JAM3: variants seen among roughly 807,000 people sequenced by gnomAD.
The protein encoded by JAM3 is junctional adhesion molecule C.
In JAM3, 31 loss-of-function variants were observed where a neutral mutation model predicts 39.4. The ratio of observed to expected loss-of-function variants is 0.79; its 90% confidence interval spans 0.59 to 1.06. JAM3 has a LOEUF of 1.06. Among genes scored for constraint, JAM3 ranks in the 50% least tolerant of loss-of-function variants. JAM3 has a pLI of 0.00. For synonymous variants in JAM3, 182 were observed against 148.7 expected, an observed-to-expected ratio of 1.22 and a Z score of -1.63; for missense variants, 455 against 391.4, an observed-to-expected ratio of 1.16 and a Z score of -1.37.
chr11:134,113,272 T>C (rs1051015207), intron 1 of JAM3, among the ~76,000 whole-genome samples: 8 of 151,728 alleles, frequency 5.3e-5, no homozygotes, highest in African/African-American at 1.2e-4. Flanking sequence ...ATACATGTGC[T>C]GTGTTGGTGT....
chr11:134,140,851 C>T, intron 3 of JAM3, 81 bp downstream of exon 3: 1 of 1,534,354 alleles, frequency 6.5e-7, no homozygotes, highest in Non-Finnish European at 8.8e-7. Context: ...AGAAACTTAC[C>T]TCAGACTGGT....
chr11:134,109,006 G>T (rs11223693), intron 1 of JAM3, among the ~76,000 whole-genome samples: 2,115 of 152,088 alleles, frequency 0.014, 37 homozygotes, highest in Non-Finnish European at 0.017. Context: ...TCCCGGGCTG[G>T]AGTACAGTGG....
rs1364500286 is a variant in JAM3, at chr11:134,149,413, G to A, written c.*232G>A. ...TATAACCACAAGGAAGCGAAACTGG[G>A]TGCGTTCACTGAGTTGGGTTCCTAA... is the stretch of plus-strand genomic sequence containing the variant. On this transcript the variant is annotated 3_prime_UTR_variant, in exon 9 of 9. Transcript: ENST00000299106. 1.6e-6 allele frequency: 1 copy of A among 614,978 alleles called. No individual in the cohort carries two copies. The highest frequency in any genetic ancestry group is 2.8e-5 in the East Asian group (1 of 35,836). 38.1% of individuals were successfully genotyped at this position (614,978 alleles called of 1,614,324 possible).
intron 1 of JAM3, among the ~76,000 whole-genome samples, chr11:134,132,759 G>A (rs1433989346): frequency 6.6e-6 from 1 of 152,136 alleles, no homozygotes; most frequent in South Asian, 2.1e-4. Flanking sequence ...AACCAGGGAG[G>A]ACCCCTGGAG....
At chr11:134,129,534 C>T (rs760137695) in intron 1 of JAM3, among the ~76,000 whole-genome samples, 9 of 152,102 alleles carry the variant, frequency 5.9e-5, no homozygotes, top group Non-Finnish European at 1.2e-4. Context: ...ACTTGCTATT[C>T]TCTGGACCTC....
At chr11:134,125,160 C>T (rs1201719735) in intron 1 of JAM3, among the ~76,000 whole-genome samples, 2 of 152,360 alleles carry the variant, frequency 1.3e-5, no homozygotes, top group East Asian at 1.9e-4. Flanking sequence ...ACGGCTACAG[C>T]CCGGCCGATC....
chr11:134,099,456 C>T (rs1942036812), intron 1 of JAM3, among the ~76,000 whole-genome samples: 2 of 152,156 alleles, frequency 1.3e-5, no homozygotes, highest in Admixed American at 6.5e-5. Flanking sequence ...CTCACTGTCT[C>T]GCCCTCTCTC....
At chr11:134,146,258 G>T (rs1428502003) in intron 6 of JAM3, among the ~76,000 whole-genome samples, 1 of 152,152 alleles carries the variant, frequency 6.6e-6, no homozygotes, top group Non-Finnish European at 1.5e-5. Flanking sequence ...AACCTTCTGG[G>T]ATCTGCTGGT....
At chr11:134,129,675 T>C (rs1438347296) in intron 1 of JAM3, among the ~76,000 whole-genome samples, 1 of 152,158 alleles carries the variant, frequency 6.6e-6, no homozygotes, top group Non-Finnish European at 1.5e-5. Context: ...ATTTTACATT[T>C]GAGAAAAATT....
At chr11:134,146,145 T>C in intron 6 of JAM3, 100 bp downstream of exon 6, 1 of 857,100 alleles carries the variant, frequency 1.2e-6, no homozygotes, top group Non-Finnish European at 1.9e-6. Context: ...TCTTCCGCCA[T>C]GGGTTAGCTT....
intron 1 of JAM3, among the ~76,000 whole-genome samples, chr11:134,073,881 AT>A (rs1323063316): frequency 6.6e-6 from 1 of 152,208 alleles, no homozygotes; most frequent in Non-Finnish European, 1.5e-5. Flanking sequence ...GTGTCGAGGC[AT>A]TTTTAAAAAA....
In JAM3 at chr11:134,124,146, T is replaced by C. The variant is rs1942592294; in HGVS notation, c.77-15705T>C. ...ATCATCAAATGGCCAATCTAGAAGG[T>C]GGATTCCTTCTTTTTCAACTGGAGC... On this transcript the variant is annotated intron_variant, in intron 1 of 8. Coordinates refer to ENST00000299106, the MANE Select transcript of JAM3 (RefSeq NM_032801.5). 6 of 1,466,846 alleles carry C rather than the reference T, an allele frequency of 4.1e-6. No homozygotes were observed. The Admixed American group carries it at 1.0e-4, about 25-fold the overall frequency. 90.9% of individuals were successfully genotyped at this position (1,466,846 alleles called of 1,614,324 possible). A position where few individuals can be genotyped will look rare whatever the true frequency, so the allele number is the denominator to read the frequency against.
Position 134,069,616 on chromosome 11 carries a change from G to T in JAM3, c.76+457G>T, listed in dbSNP as rs539829793. On this transcript the variant is annotated intron_variant, in intron 1 of 8. Coordinates refer to ENST00000299106, the MANE Select transcript of JAM3 (RefSeq NM_032801.5). ...GCTGGGCGGTGGGCTCGTCCCCGGG[G>T]TGGACCCCTCCCGGGCGGTGGGCAC... is the stretch of plus-strand genomic sequence containing the variant. 6.5e-3 allele frequency among the ~76,000 whole-genome samples: 983 copies of T among 152,158 alleles called. 7 individuals carry two copies. The highest frequency in any genetic ancestry group is 0.022 in the African/African-American group (906 of 41,496).
At chr11:134,092,548 T>G (rs943788138) in intron 1 of JAM3, among the ~76,000 whole-genome samples, 1 of 151,202 alleles carries the variant, frequency 6.6e-6, no homozygotes, top group Admixed American at 6.6e-5. Flanking sequence ...ACCTTACATC[T>G]TATTCATCAT....
chr11:134,101,165 G>C (rs1311687874), intron 1 of JAM3, among the ~76,000 whole-genome samples: 2 of 152,166 alleles, frequency 1.3e-5, no homozygotes, highest in African/African-American at 4.8e-5. Flanking sequence ...ACCAGGAGCA[G>C]TTTAACAGTG....
At chr11:134,147,385 C>T (rs1462593651) in intron 6 of JAM3, among the ~76,000 whole-genome samples, 2 of 131,584 alleles carry the variant, frequency 1.5e-5, no homozygotes, top group Admixed American at 8.2e-5. Flanking sequence ...ACCCGGGAGG[C>T]GGAGCTTGCA....
At chr11:134,117,492 C>T (rs772603564) in intron 1 of JAM3, among the ~76,000 whole-genome samples, 61 of 152,220 alleles carry the variant, frequency 4.0e-4, no homozygotes, top group Non-Finnish European at 5.9e-4. Context: ...TCAGGAGAGA[C>T]TGCAGTAAAA....
At chr11:134,122,875 G>A (rs534647462) in intron 1 of JAM3, among the ~76,000 whole-genome samples, 2 of 152,210 alleles carry the variant, frequency 1.3e-5, no homozygotes, top group Non-Finnish European at 2.9e-5. Flanking sequence ...GCCCACAATT[G>A]TACAGGGTGT....
At chr11:134,130,815 C>T (rs1565499941) in intron 1 of JAM3, among the ~76,000 whole-genome samples, 2 of 152,196 alleles carry the variant, frequency 1.3e-5, no homozygotes, top group South Asian at 2.1e-4. Context: ...CTATTCCAGC[C>T]TTTCTGGGGG....
Sources: allele counts gnomAD v4.1 joint callset (sites outside exome capture counted in the v4.1 genomes callset), GRCh38; gene constraint gnomAD v4.1.1; transcripts MANE v1.5; gene names NCBI Gene and HGNC (gene_info 2026-07-23, HGNC 2026-07-21).